Variants in TULP4 observed in about 807,000 individuals in gnomAD.
TULP4 encodes the protein TUB like protein 4.
Under a neutral mutation model 129.0 loss-of-function variants are expected in TULP4, and 16 were observed. That is an observed-to-expected ratio of 0.12 (90% CI 0.08 to 0.19). The LOEUF (loss-of-function observed/expected upper bound fraction) is 0.19. Ranked by LOEUF, TULP4 falls within the 10% of genes least tolerant of loss-of-function variation. The pLI, the probability that TULP4 is intolerant of heterozygous loss-of-function variation, is 1.00. For missense variants in TULP4, 1,842 were observed against 2,059.1 expected (o/e 0.89, Z 2.04); for synonymous variants, 998 against 854.0 (o/e 1.17, Z -2.94).
intron 1 of TULP4, 79 bp downstream of exon 1, chr6:158,314,347 A>G: frequency 6.6e-7 from 1 of 1,526,550 alleles, no homozygotes; most frequent in Non-Finnish European, 8.8e-7. Flanking sequence ...AACTTCCTTC[A>G]TTTCAGTTTC....
At chr6:158,245,195 A>G (rs556603072) in intron 1 of TULP4, among the ~76,000 whole-genome samples, 114 of 148,006 alleles carry the variant, frequency 7.7e-4, no homozygotes, top group African/African-American at 2.6e-3. Flanking sequence ...AAGCCTCACT[A>G]TGTTGCCCAG....
At chr6:158,290,472 A>G (rs1778917594) in intron 1 of TULP4, among the ~76,000 whole-genome samples, 1 of 152,136 alleles carries the variant, frequency 6.6e-6, no homozygotes, top group African/African-American at 2.4e-5. Context: ...GATTATGTCT[A>G]CTTCGTTGAT....
intron 1 of TULP4, among the ~76,000 whole-genome samples, chr6:158,267,835 G>A (rs563081946): frequency 6.6e-6 from 1 of 152,220 alleles, no homozygotes; most frequent in Admixed American, 6.5e-5. Context: ...GTCAAGGGTG[G>A]TGTGCTTGCA....
chr6:158,281,224 T>TG (rs1778745684), upstream of TULP4, among the ~76,000 whole-genome samples: 1 of 152,070 alleles, frequency 6.6e-6, no homozygotes, highest in East Asian at 1.9e-4. Context: ...ATTTTTTTTT[T>TG]TTTTTTGAGA....
intron 1 of TULP4, among the ~76,000 whole-genome samples, chr6:158,256,619 A>T (rs1778249405): frequency 6.6e-6 from 1 of 152,222 alleles, no homozygotes; most frequent in Admixed American, 6.5e-5. Context: ...TTGATATAAG[A>T]TCTGCTCTCA....
chr6:158,381,379 C>T lies in TULP4; in HGVS notation c.253-31686C>T, dbSNP rs111724438. ...GCTGGGGCATCACCCTGTAATCAAA[C>T]GTAATATTTCAGCAAAGCTCATTAA... is the stretch of plus-strand genomic sequence containing the variant. On this transcript the variant is annotated intron_variant, in intron 1 of 13. Coordinates refer to ENST00000367097, the MANE Select transcript of TULP4 (RefSeq NM_020245.5). Among the ~76,000 whole-genome samples the T allele has an allele frequency of 7.6e-3, 1,151 of 152,196 alleles. 13 individuals carry two copies. The highest frequency in any genetic ancestry group is 0.026 in the African/African-American group (1,073 of 41,508).
intron 1 of TULP4, among the ~76,000 whole-genome samples, chr6:158,291,831 G>A (rs1778947292): frequency 6.6e-6 from 1 of 152,064 alleles, no homozygotes; most frequent in Non-Finnish European, 1.5e-5. Context: ...GCATTTTATT[G>A]AAGGAATAGG....
rs890723516 is a variant in TULP4, at chr6:158,507,870, G to T, written c.*1176G>T. ...AAAAAAATGTTAAGTGTTCACCAGGGTATTAAAATACAGAGGAGTATGGTC... is the reference window on the plus strand; with the variant it reads ...AAAAAAATGTTAAGTGTTCACCAGGTTATTAAAATACAGAGGAGTATGGTC... On this transcript the variant is annotated 3_prime_UTR_variant, in exon 14 of 14. Transcript: ENST00000367097. The T allele has an allele frequency of 4.6e-5, 7 of 152,090 alleles. No homozygotes were observed. Among genetic ancestry groups the T allele is most frequent in the African/African-American group, 1.4e-4 (6 of 41,398 alleles). The allele number at this position is 152,090 out of a possible 1,614,324, so 9.4% of individuals were successfully genotyped here. A position where few individuals can be genotyped will look rare whatever the true frequency, so the allele number is the denominator to read the frequency against.
At chr6:158,388,935 A>G (rs1777520641) in intron 1 of TULP4, among the ~76,000 whole-genome samples, 1 of 152,156 alleles carries the variant, frequency 6.6e-6, no homozygotes, top group South Asian at 2.1e-4. Flanking sequence ...GGTAGCTGCC[A>G]TGGTGGACAC....
At chr6:158,439,831 C>T (rs960390441) in intron 3 of TULP4, among the ~76,000 whole-genome samples, 4 of 149,952 alleles carry the variant, frequency 2.7e-5, no homozygotes, top group Non-Finnish European at 3.0e-5. Flanking sequence ...CCTGCCTCAG[C>T]CTCCCGAGTA....
chr6:158,289,295 C>A (rs1331404530), intron 1 of TULP4, among the ~76,000 whole-genome samples: 1 of 152,118 alleles, frequency 6.6e-6, no homozygotes. Flanking sequence ...TTGTGCTGCT[C>A]TGTCTTTATC....
At chr6:158,258,456 CA>C in intron 1 of TULP4, among the ~76,000 whole-genome samples, 1 of 152,084 alleles carries the variant, frequency 6.6e-6, no homozygotes, top group Non-Finnish European at 1.5e-5. Context: ...CCAGAATTTC[CA>C]GGGAAGAGCT....
chr6:158,421,374 A>G (rs1778336099), intron 2 of TULP4, among the ~76,000 whole-genome samples: 2 of 146,814 alleles, frequency 1.4e-5, no homozygotes, highest in South Asian at 4.3e-4. Context: ...AAAAAAAAAA[A>G]GAAATACATT....
chr6:158,423,130 G>C (rs993687995), intron 2 of TULP4, among the ~76,000 whole-genome samples: 6 of 151,160 alleles, frequency 4.0e-5, no homozygotes, highest in East Asian at 1.9e-4. Flanking sequence ...AGAGGGGGGG[G>C]GGGGGAAAGA....
At chr6:158,299,285 A>G (rs1056009456) in intron 1 of TULP4, among the ~76,000 whole-genome samples, 2 of 152,214 alleles carry the variant, frequency 1.3e-5, no homozygotes, top group African/African-American at 2.4e-5. Flanking sequence ...CAGAGGAGCA[A>G]TCGTTTTTTA....
intron 1 of TULP4, among the ~76,000 whole-genome samples, chr6:158,359,427 A>T (rs1427720081): frequency 1.3e-5 from 2 of 152,210 alleles, no homozygotes. Context: ...GGGGTCTCAC[A>T]GTAGGCCATC....
At chr6:158,274,778 A>C (rs1474603346) in intron 1 of TULP4, among the ~76,000 whole-genome samples, 1 of 152,120 alleles carries the variant, frequency 6.6e-6, no homozygotes, top group Non-Finnish European at 1.5e-5. Context: ...CTCCGTCTCA[A>C]AAACAAAAAA....
chr6:158,264,582 C>G lies in TULP4; in HGVS notation n.68+32279C>G, dbSNP rs529320992. On this transcript the variant is annotated intron_variant and non_coding_transcript_variant, in intron 1 of 1. Transcript: ENST00000620026. ...TAAACATCGATCTGGGGAAGATGCA[C>G]CTGGAGGGCTGCCTGGACAAGTCCC... Among the ~76,000 whole-genome samples the G allele has an allele frequency of 4.1e-4, 63 of 152,180 alleles. 1 individual carries two copies. The highest frequency in any genetic ancestry group is 1.5e-3 in the African/African-American group (62 of 41,524).
intron 6 of TULP4, among the ~76,000 whole-genome samples, chr6:158,476,562 C>T (rs1433840099): frequency 6.6e-6 from 1 of 152,212 alleles, no homozygotes; most frequent in Non-Finnish European, 1.5e-5. Flanking sequence ...CGAGATGTGC[C>T]AGCGACTGTG....
Sources: allele counts gnomAD v4.1 joint callset (sites outside exome capture counted in the v4.1 genomes callset), GRCh38; gene constraint gnomAD v4.1.1; transcripts MANE v1.5; gene names NCBI Gene and HGNC (gene_info 2026-07-23, HGNC 2026-07-21).